Variants in NMNAT2 observed in about 807,000 individuals in gnomAD.
NMNAT2 encodes nicotinamide/nicotinic acid mononucleotide adenylyltransferase 2.
Under a neutral mutation model 41.6 loss-of-function variants are expected in NMNAT2, and 11 were observed. That is an observed-to-expected ratio of 0.26 (90% CI 0.17 to 0.44). The LOEUF is 0.44. Among genes scored for constraint, NMNAT2 ranks in the 20% least tolerant of loss-of-function variants. The pLI, the probability that NMNAT2 is intolerant of heterozygous loss-of-function variation, is 1.00. For synonymous variants in NMNAT2, 148 were observed against 151.2 expected (o/e 0.98, Z 0.16); for missense variants, 288 against 407.7 (o/e 0.71, Z 2.53).
intron 1 of NMNAT2, among the ~76,000 whole-genome samples, chr1:183,366,413 TATC>T (rs907673441): frequency 6.6e-6 from 1 of 152,218 alleles, no homozygotes; most frequent in Non-Finnish European, 1.5e-5. Flanking sequence ...AAGCATTAAC[TATC>T]ATCATCATCA....
At chr1:183,349,163 T>G (rs1024634073) in intron 1 of NMNAT2, among the ~76,000 whole-genome samples, 1 of 152,216 alleles carries the variant, frequency 6.6e-6, no homozygotes, top group Admixed American at 6.5e-5. Context: ...TCATATGGAT[T>G]ATGTTTCTCC....
At chr1:183,345,808 T>A (rs1311500884) in intron 1 of NMNAT2, among the ~76,000 whole-genome samples, 1 of 151,432 alleles carries the variant, frequency 6.6e-6, no homozygotes, top group Non-Finnish European at 1.5e-5. Flanking sequence ...TGCCTCAGCC[T>A]CCCGAGTAGC....
chr1:183,395,484 A>G (rs1249095143), intron 1 of NMNAT2, among the ~76,000 whole-genome samples: 1 of 151,924 alleles, frequency 6.6e-6, no homozygotes, highest in African/African-American at 2.4e-5. Context: ...AGAAGAACAA[A>G]ATTTCCTCTC....
At chr1:183,286,481 A>G (rs1312939117) in intron 5 of NMNAT2, among the ~76,000 whole-genome samples, 181 bp downstream of exon 5, 1 of 152,130 alleles carries the variant, frequency 6.6e-6, no homozygotes, top group African/African-American at 2.4e-5. Context: ...CTCAGTATTC[A>G]GGGTCCTCAA....
At chr1:183,338,139 C>T (rs1162522346) in intron 1 of NMNAT2, among the ~76,000 whole-genome samples, 1 of 107,892 alleles carries the variant, frequency 9.3e-6, no homozygotes, top group Non-Finnish European at 1.9e-5. Context: ...TAGTGAGACC[C>T]CCATCTCTTT....
chr1:183,264,540 C>T (rs1451854430), intron 8 of NMNAT2, among the ~76,000 whole-genome samples: 1 of 152,160 alleles, frequency 6.6e-6, no homozygotes, highest in Non-Finnish European at 1.5e-5. Context: ...ATACTCTCTG[C>T]TCCTTTGGCC....
chr1:183,323,772 AC>A (rs11343571), intron 1 of NMNAT2, among the ~76,000 whole-genome samples: 2,071 of 152,306 alleles, frequency 0.014, 40 homozygotes, highest in African/African-American at 0.047. Flanking sequence ...CATAGGGAAC[AC>A]ATCTGACAAA....
In NMNAT2 at chr1:183,369,838, A is replaced by G. The variant is rs182209906; in HGVS notation, c.85+48345T>C. Among the ~76,000 whole-genome samples the G allele has an allele frequency of 3.9e-4, 59 of 152,150 alleles. 2 individuals are homozygous for G. In the East Asian group the frequency reaches 0.011, roughly 27 times the overall value. ...CACCATGCTACTTTCCGTCTTAATA[A>G]ATTCATCTATTCTAGGAATGAGAAT... On this transcript the variant is annotated intron_variant, in intron 1 of 10. Transcript: ENST00000287713.
intron 1 of NMNAT2, among the ~76,000 whole-genome samples, chr1:183,337,294 A>G (rs1054675090): frequency 6.6e-6 from 1 of 152,172 alleles, no homozygotes; most frequent in Non-Finnish European, 1.5e-5. Context: ...AATTAGGAAG[A>G]GAGAAAATCC....
intron 1 of NMNAT2, among the ~76,000 whole-genome samples, chr1:183,298,602 T>C (rs1235582503): frequency 6.6e-6 from 1 of 152,248 alleles, no homozygotes; most frequent in South Asian, 2.1e-4. Context: ...CAAGGATGCC[T>C]TCAACCCTTT....
chr1:183,330,512 C>A (rs191424920), intron 1 of NMNAT2, among the ~76,000 whole-genome samples: 476 of 152,280 alleles, frequency 3.1e-3, no homozygotes, highest in Middle Eastern at 0.014. Context: ...ACTCCCTCCC[C>A]AGGGAGCCTC....
intron 1 of NMNAT2, among the ~76,000 whole-genome samples, chr1:183,368,503 G>C (rs761328800): frequency 1.6e-4 from 24 of 152,204 alleles, no homozygotes; most frequent in Admixed American, 3.3e-4. Context: ...TGTTTGGGGA[G>C]AATTACATAA....
intron 1 of NMNAT2, among the ~76,000 whole-genome samples, chr1:183,410,853 G>A (rs1649097757): frequency 6.6e-6 from 1 of 151,738 alleles, no homozygotes; most frequent in East Asian, 1.9e-4. Context: ...AAGTAGCTGG[G>A]ACTACAGCCA....
At chr1:183,366,867 G>A (rs1287458278) in intron 1 of NMNAT2, among the ~76,000 whole-genome samples, 1 of 152,112 alleles carries the variant, frequency 6.6e-6, no homozygotes, top group Non-Finnish European at 1.5e-5. Flanking sequence ...ACCTCCTCCT[G>A]TCAACCAAGC....
intron 1 of NMNAT2, among the ~76,000 whole-genome samples, chr1:183,324,342 G>A (rs768321692): frequency 1.8e-4 from 28 of 152,184 alleles, no homozygotes; most frequent in Non-Finnish European, 3.4e-4. Context: ...GCATTGACAA[G>A]GCGGAATGAG....
chr1:183,304,626 C>T, intron 1 of NMNAT2: 1 of 1,571,504 alleles, frequency 6.4e-7, no homozygotes, highest in Non-Finnish European at 8.8e-7. Flanking sequence ...CTCCCTCCAG[C>T]TGCCCCGCCC....
chr1:183,377,831 T>G (rs1663712812), intron 1 of NMNAT2, among the ~76,000 whole-genome samples: 1 of 152,198 alleles, frequency 6.6e-6, no homozygotes, highest in African/African-American at 2.4e-5. Context: ...TTCAAAATAA[T>G]TATGATTTAT....
chr1:183,382,376 C>A (rs1266793334), intron 1 of NMNAT2, among the ~76,000 whole-genome samples: 1 of 148,738 alleles, frequency 6.7e-6, no homozygotes, highest in African/African-American at 2.5e-5. Flanking sequence ...CAAACCATAT[C>A]TTTTCCACCC....
intron 1 of NMNAT2, among the ~76,000 whole-genome samples, chr1:183,392,284 A>C (rs555966287): frequency 6.6e-6 from 1 of 152,158 alleles, no homozygotes; most frequent in East Asian, 1.9e-4. Flanking sequence ...GCTCATTCTT[A>C]ATTCCTTTTT....
Sources: gnomAD v4.1 joint callset for allele counts (sites outside exome capture counted in the v4.1 genomes callset) on GRCh38, gnomAD v4.1.1 for gene constraint, MANE v1.5 for transcripts, NCBI Gene and HGNC (gene_info 2026-07-23, HGNC 2026-07-21) for gene names.